FOXP1: variants seen among roughly 807,000 people sequenced by gnomAD.
FOXP1 encodes forkhead box protein P1.
FOXP1 carries 15 observed loss-of-function variants against 98.2 expected under a neutral mutation model. The ratio of observed to expected loss-of-function variants is 0.15; its 90% CI spans 0.10 to 0.24. The LOEUF is 0.24. FOXP1 is among the 10% of genes least tolerant of loss of function. The pLI, the probability that FOXP1 is intolerant of heterozygous loss-of-function variation, is 1.00. For synonymous variants in FOXP1, 371 were observed against 314.5 expected, an observed-to-expected ratio of 1.18 and a Z score of -1.90; for missense variants, 633 against 848.5, an observed-to-expected ratio of 0.75 and a Z score of 3.15.
intron 2 of FOXP1, among the ~76,000 whole-genome samples, chr3:71,496,851 AC>A (rs2091453087): frequency 1.3e-5 from 2 of 151,946 alleles, no homozygotes; most frequent in African/African-American, 4.8e-5. Flanking sequence ...ACAAAAAAAA[AC>A]AATGCTCTAT....
At chr3:71,165,358 T>G (rs2061350743) in intron 6 of FOXP1, among the ~76,000 whole-genome samples, 1 of 152,190 alleles carries the variant, frequency 6.6e-6, no homozygotes, top group Non-Finnish European at 1.5e-5. Context: ...CATTTAAGCT[T>G]TCTTTATATT....
intron 12 of FOXP1, among the ~76,000 whole-genome samples, chr3:71,002,379 C>T (rs1168365624): frequency 6.6e-6 from 1 of 152,162 alleles, no homozygotes; most frequent in Non-Finnish European, 1.5e-5. Flanking sequence ...TGGTGAACAA[C>T]AGTGATGCAC....
intron 5 of FOXP1, among the ~76,000 whole-genome samples, chr3:71,199,766 C>A (rs1245819872): frequency 6.6e-6 from 1 of 150,612 alleles, no homozygotes. Context: ...AAATAGGGTG[C>A]AAAATGAGTA....
At chr3:71,057,200 TC>T (rs150736905) in intron 7 of FOXP1, among the ~76,000 whole-genome samples, 3 of 145,700 alleles carry the variant, frequency 2.1e-5, no homozygotes, top group Non-Finnish European at 4.5e-5. Flanking sequence ...GTGGTTTAAA[TC>T]AATAGTATTT....
At chr3:71,062,408 AGTT>A (rs2051648386) in intron 7 of FOXP1, among the ~76,000 whole-genome samples, 1 of 152,216 alleles carries the variant, frequency 6.6e-6, no homozygotes, top group Non-Finnish European at 1.5e-5. Context: ...TGCAGACAAA[AGTT>A]CGCTAATTTT....
At chr3:71,425,690 G>A (rs1031587730) in intron 3 of FOXP1, among the ~76,000 whole-genome samples, 10 of 151,748 alleles carry the variant, frequency 6.6e-5, no homozygotes, top group African/African-American at 2.2e-4. Flanking sequence ...TTTTAAAGGT[G>A]GGGGGGCTCT....
At chr3:71,053,359 A>G (rs1017249775) in intron 8 of FOXP1, among the ~76,000 whole-genome samples, 1 of 152,160 alleles carries the variant, frequency 6.6e-6, no homozygotes, top group African/African-American at 2.4e-5. Flanking sequence ...GTAAACCTAA[A>G]AGATCTTACT....
chr3:71,509,289 G>A (rs901263270), intron 2 of FOXP1, among the ~76,000 whole-genome samples: 1 of 152,154 alleles, frequency 6.6e-6, no homozygotes, highest in African/African-American at 2.4e-5. Context: ...TCTAGAAGCT[G>A]AAAGTCGAAG....
chr3:71,141,742 A>C (rs2108001405), intron 6 of FOXP1, among the ~76,000 whole-genome samples: 1 of 152,282 alleles, frequency 6.6e-6, no homozygotes. Flanking sequence ...CAACAAATCC[A>C]GAAATAATTA....
chr3:71,244,869 A>G (rs796183328), intron 5 of FOXP1: 9 of 152,222 alleles, frequency 5.9e-5, no homozygotes, highest in African/African-American at 2.2e-4. Context: ...TGTTCCTAGT[A>G]AAAGGCTCCA....
chr3:71,223,693 C>CAAAAAAAA (rs34686001), intron 5 of FOXP1, among the ~76,000 whole-genome samples: 1 of 90,118 alleles, frequency 1.1e-5, no homozygotes, highest in Non-Finnish European at 2.6e-5. Flanking sequence ...GACTACGTCT[C>CAAAAAAAA]AAAAAAAAAA....
intron 10 of FOXP1, among the ~76,000 whole-genome samples, chr3:71,045,558 T>A (rs2048910146): frequency 6.6e-6 from 1 of 152,210 alleles, no homozygotes. Context: ...ATATATATTC[T>A]TTCTTTTCTC....
intron 3 of FOXP1, among the ~76,000 whole-genome samples, chr3:71,362,520 A>T (rs2078643125): frequency 6.6e-6 from 1 of 152,206 alleles, no homozygotes; most frequent in South Asian, 2.1e-4. Flanking sequence ...CTCAGGCTGC[A>T]GTGCAGTGGC....
chr3:71,522,745 C>T (rs891177595), intron 2 of FOXP1, among the ~76,000 whole-genome samples: 2 of 152,128 alleles, frequency 1.3e-5, no homozygotes, highest in African/African-American at 4.8e-5. Flanking sequence ...GACTTGGGCC[C>T]ACCTACTGCA....
intron 3 of FOXP1, among the ~76,000 whole-genome samples, chr3:71,391,624 T>A (rs750376352): frequency 6.6e-6 from 1 of 152,216 alleles, no homozygotes; most frequent in Non-Finnish European, 1.5e-5. Context: ...AGGTTCAAGT[T>A]AACTGCGGAG....
intron 4 of FOXP1, among the ~76,000 whole-genome samples, chr3:71,325,936 A>G (rs1467747797): frequency 6.6e-6 from 1 of 152,214 alleles, no homozygotes; most frequent in African/African-American, 2.4e-5. Flanking sequence ...CCAAATATAC[A>G]GTGGACTTTA....
intron 3 of FOXP1, among the ~76,000 whole-genome samples, chr3:71,490,695 C>A (rs2091002304): frequency 6.6e-6 from 1 of 152,076 alleles, no homozygotes; most frequent in South Asian, 2.1e-4. Context: ...AAACAGATAT[C>A]ATTTTCATTA....
intron 5 of FOXP1, among the ~76,000 whole-genome samples, chr3:71,201,914 G>A (rs2063702528): frequency 6.6e-6 from 1 of 152,130 alleles, no homozygotes; most frequent in African/African-American, 2.4e-5. Context: ...CCCTAAGAAT[G>A]AGGCATAAAT....
intron 2 of FOXP1, among the ~76,000 whole-genome samples, chr3:71,512,589 A>G (rs2042279212): frequency 6.6e-6 from 1 of 152,242 alleles, no homozygotes; most frequent in African/African-American, 2.4e-5. Flanking sequence ...CTACAATGCA[A>G]TCCAACTTTT....
Sources: gnomAD v4.1 joint callset for allele counts (sites outside exome capture counted in the v4.1 genomes callset) on GRCh38, gnomAD v4.1.1 for gene constraint, MANE v1.5 for transcripts, NCBI Gene and HGNC (gene_info 2026-07-23, HGNC 2026-07-21) for gene names.